NXPH1: variants seen among roughly 807,000 people sequenced by gnomAD.
NXPH1 encodes the protein neurexophilin-1.
NXPH1 carries 5 observed loss-of-function variants against 23.7 expected under a neutral mutation model. That is an observed-to-expected ratio of 0.21 (90% CI 0.11 to 0.44). The LOEUF is 0.44. Among genes scored for constraint, NXPH1 ranks in the 20% least tolerant of loss-of-function variants. The probability of loss-of-function intolerance (pLI) is 0.99; values close to 1 mark genes in which losing one functional copy is unlikely to be tolerated. For missense variants in NXPH1, 324 were observed against 321.6 expected (o/e 1.01, Z -0.06); for synonymous variants, 144 against 122.2 (o/e 1.18, Z -1.18).
At chr7:8,456,168 A>G (rs562591547) in intron 2 of NXPH1, among the ~76,000 whole-genome samples, 1 of 152,290 alleles carries the variant, frequency 6.6e-6, no homozygotes, top group African/African-American at 2.4e-5. Flanking sequence ...ACAGAAATTA[A>G]AGCCACAGGA....
At chr7:8,569,813 A>G (rs1236805721) in intron 2 of NXPH1, among the ~76,000 whole-genome samples, 1 of 151,896 alleles carries the variant, frequency 6.6e-6, no homozygotes, top group Non-Finnish European at 1.5e-5. Flanking sequence ...TCAACACTGA[A>G]GGCTGACAAC....
chr7:8,434,074 C>CA lies in NXPH1; in HGVS notation c.-791dup, dbSNP rs1264440955. On this transcript the variant is annotated 5_prime_UTR_variant, in exon 1 of 3. Transcript: ENST00000405863. This position sits in a 1 kb window ranked among gnomAD's most constrained non-coding sequence, Gnocchi z 7.6. ...AGAGCGTCCCCGGGTGGCCGGGCAG[C>CA]ACCAGGGACAGCGCCCGGGACTCCA... 1 of 152,190 alleles carries CA rather than the reference C, an allele frequency of 6.6e-6. No individual in the cohort carries two copies. Among genetic ancestry groups the CA allele is most frequent in the African/African-American group, 2.4e-5 (1 of 41,448 alleles). The allele number at this position is 152,190 out of a possible 1,614,324, so 9.4% of individuals were successfully genotyped here.
intron 2 of NXPH1, among the ~76,000 whole-genome samples, chr7:8,452,565 G>C (rs1049464948): frequency 6.6e-6 from 1 of 152,106 alleles, no homozygotes; most frequent in Admixed American, 6.6e-5. Context: ...GTATGATGCT[G>C]ATTTAATAGG....
chr7:8,450,695 A>G (rs1174208131), intron 2 of NXPH1, among the ~76,000 whole-genome samples: 1 of 152,242 alleles, frequency 6.6e-6, no homozygotes, highest in Non-Finnish European at 1.5e-5. Flanking sequence ...TAAATGTTCC[A>G]TTTTGCAGCA....
intron 2 of NXPH1, among the ~76,000 whole-genome samples, chr7:8,576,952 A>T (rs1818766866): frequency 6.6e-6 from 1 of 152,150 alleles, no homozygotes; most frequent in African/African-American, 2.4e-5. Flanking sequence ...TTTTATGGTG[A>T]AAATTTACAA....
rs368016386 is a variant in NXPH1, at chr7:8,678,877, C to G, written c.55-72131C>G. On this transcript the variant is annotated intron_variant, in intron 2 of 2. Coordinates refer to ENST00000405863, the MANE Select transcript of NXPH1 (RefSeq NM_152745.3). ...AAATCTATTTTATCCTTGCAGACCT[C>G]TCCTCTCTTAGTTTTGGTTCACTTT... Among the ~76,000 whole-genome samples the G allele has an allele frequency of 8.9e-5, 13 of 145,962 alleles. No individual in the cohort carries two copies. In the East Asian group the frequency reaches 1.0e-3, roughly 11 times the overall value.
intron 2 of NXPH1, among the ~76,000 whole-genome samples, chr7:8,637,617 G>A (rs1303297091): frequency 1.3e-5 from 2 of 152,046 alleles, no homozygotes; most frequent in Non-Finnish European, 2.9e-5. Context: ...CACACTAACA[G>A]CTCCTTTTTA....
Position 8,445,641 on chromosome 7 carries a change from G to T in NXPH1, c.54+9874G>T, listed in dbSNP as rs17148806. Among the ~76,000 whole-genome samples the T allele has an allele frequency of 2.8e-3, 428 of 152,266 alleles. 4 individuals are homozygous for T. Among genetic ancestry groups the T allele is most frequent in the African/African-American group, 9.6e-3 (399 of 41,530 alleles). On this transcript the variant is annotated intron_variant, in intron 2 of 2. Coordinates refer to ENST00000405863, the MANE Select transcript of NXPH1 (RefSeq NM_152745.3). ...ACAAAGATTTAGAGAAAATTTCCTGGTTTTAAAGAGCCTTTTTCATTTACA... is the reference window on the plus strand; with the variant it reads ...ACAAAGATTTAGAGAAAATTTCCTGTTTTTAAAGAGCCTTTTTCATTTACA...
intron 2 of NXPH1, among the ~76,000 whole-genome samples, chr7:8,556,567 T>C (rs1818361350): frequency 6.6e-6 from 1 of 151,700 alleles, no homozygotes; most frequent in Admixed American, 6.6e-5. Flanking sequence ...AAGTAAAAAC[T>C]AACTGGCCAG....
chr7:8,595,725 GTGTC>G (rs1272370792), intron 2 of NXPH1, among the ~76,000 whole-genome samples: 39 of 152,126 alleles, frequency 2.6e-4, no homozygotes, highest in African/African-American at 7.0e-4. Context: ...GTGTGAGTGT[GTGTC>G]TGTGTGCGTG....
Position 8,435,355 on chromosome 7 carries a change from C to T in NXPH1, c.-110-249C>T. ...CAGTGTGCTCCGCCGCCTGGGAACT[C>T]GCACCCGAGGAGCGCAGGGGGCAAG... is the stretch of plus-strand genomic sequence containing the variant. On this transcript the variant is annotated intron_variant, in intron 1 of 2. Transcript: ENST00000405863. This position sits in a 1 kb window ranked among gnomAD's most constrained non-coding sequence, Gnocchi z 5.9. 5.9e-6 allele frequency: 2 copies of T among 339,346 alleles called. No individual in the cohort carries two copies. The highest frequency in any genetic ancestry group is 5.5e-6 in the Non-Finnish European group (1 of 182,436). The allele number at this position is 339,346 out of a possible 1,614,324, so 21.0% of individuals were successfully genotyped here.
At chr7:8,736,310 G>T (rs1453065011) in intron 2 of NXPH1, among the ~76,000 whole-genome samples, 3 of 152,142 alleles carry the variant, frequency 2.0e-5, no homozygotes, top group Non-Finnish European at 4.4e-5. Context: ...CTGTATCCCA[G>T]AGATTCTAGT....
intron 2 of NXPH1, among the ~76,000 whole-genome samples, chr7:8,549,127 A>C (rs1236398920): frequency 1.3e-5 from 2 of 151,548 alleles, no homozygotes; most frequent in Non-Finnish European, 3.0e-5. Context: ...CTTCGGAAAC[A>C]AGTTTACTGA....
At chr7:8,579,018 C>T (rs1818811207) in intron 2 of NXPH1, among the ~76,000 whole-genome samples, 1 of 152,178 alleles carries the variant, frequency 6.6e-6, no homozygotes, top group African/African-American at 2.4e-5. Context: ...CTAGATGATG[C>T]TAGAGAAGCA....
intron 2 of NXPH1, among the ~76,000 whole-genome samples, chr7:8,464,261 A>G (rs142307786): frequency 1.5e-4 from 23 of 152,298 alleles, no homozygotes; most frequent in Non-Finnish European, 2.5e-4. Flanking sequence ...CCAACAATGT[A>G]TGAGAGGTCC....
chr7:8,617,721 A>T (rs1400114703), intron 2 of NXPH1, among the ~76,000 whole-genome samples: 1 of 152,134 alleles, frequency 6.6e-6, no homozygotes, highest in African/African-American at 2.4e-5. Flanking sequence ...AATAAAACCT[A>T]CTATTTGATA....
chr7:8,480,882 T>C (rs1817061835), intron 2 of NXPH1, among the ~76,000 whole-genome samples: 1 of 152,206 alleles, frequency 6.6e-6, no homozygotes, highest in Non-Finnish European at 1.5e-5. Flanking sequence ...TCCACACATT[T>C]AGTTGTTGTC....
At chr7:8,531,565 C>T (rs770644590) in intron 2 of NXPH1, among the ~76,000 whole-genome samples, 1 of 152,174 alleles carries the variant, frequency 6.6e-6, no homozygotes. Flanking sequence ...TCAGCACTTA[C>T]TTACTAACAC....
In NXPH1 at chr7:8,614,692, T is replaced by A. The variant is rs575417016; in HGVS notation, c.55-136316T>A. 2.0e-5 allele frequency among the ~76,000 whole-genome samples: 3 copies of A among 152,096 alleles called. No individual in the cohort carries two copies. The South Asian group carries it at 6.2e-4, about 32-fold the overall frequency. On this transcript the variant is annotated intron_variant, in intron 2 of 2. Transcript: ENST00000405863. ...GAAAAATGAAACTCACTGGAAAGAT[T>A]TAAATGATAAAAGTTGCCATAAATA...
Sources: gnomAD v4.1 joint callset for allele counts (sites outside exome capture counted in the v4.1 genomes callset) on GRCh38, gnomAD v4.1.1 for gene constraint, Gnocchi (gnomAD v3.1) non-coding constraint, MANE v1.5 for transcripts, NCBI Gene and HGNC (gene_info 2026-07-23, HGNC 2026-07-21) for gene names.